Variants in FBLN2 observed in about 807,000 individuals in gnomAD.
The protein encoded by FBLN2 is fibulin-2.
Under a neutral mutation model 123.7 loss-of-function variants are expected in FBLN2, and 81 were observed. The ratio of observed to expected loss-of-function variants is 0.65; its 90% CI spans 0.55 to 0.79. The LOEUF is 0.79. Ranked by LOEUF, FBLN2 falls within the 30% of genes least tolerant of loss-of-function variation. The probability of loss-of-function intolerance (pLI) is 0.00; values close to 1 mark genes in which losing one functional copy is unlikely to be tolerated. For missense variants in FBLN2, 1,603 were observed against 1,681.3 expected, an observed-to-expected ratio of 0.95 and a Z score of 0.81; for synonymous variants, 699 against 701.4, an observed-to-expected ratio of 1.00 and a Z score of 0.05.
chr3:13,613,981 C>T lies in FBLN2; in HGVS notation c.1549-3C>T. The T allele has an allele frequency of 6.2e-7, 1 of 1,610,772 alleles. No homozygotes were observed. Among genetic ancestry groups the T allele is most frequent in the Non-Finnish European group, 8.5e-7 (1 of 1,179,346 alleles). ...GGGCAGTGATAACTGTCTCTCCCTGCAGCAATGCTGTGACTGCTGTGGCCT... is the reference window on the plus strand; with the variant it reads ...GGGCAGTGATAACTGTCTCTCCCTGTAGCAATGCTGTGACTGCTGTGGCCT... On this transcript the variant is annotated splice_region_variant and splice_polypyrimidine_tract_variant and intron_variant, in intron 4 of 17. Coordinates refer to ENST00000404922, the MANE Select transcript of FBLN2 (RefSeq NM_001004019.2).
intron 2 of FBLN2, among the ~76,000 whole-genome samples, chr3:13,593,571 G>A (rs911759955): frequency 6.6e-6 from 1 of 152,006 alleles, no homozygotes; most frequent in African/African-American, 2.4e-5. Context: ...AAAATTAGCC[G>A]GGCGTGGTGG....
At chr3:13,568,663 T>G in intron 1 of FBLN2, 4 of 522,882 alleles carry the variant, frequency 7.6e-6, no homozygotes, top group Non-Finnish European at 9.1e-6. Flanking sequence ...CCTGACGCCC[T>G]CCTCAGAGAA....
intron 5 of FBLN2, among the ~76,000 whole-genome samples, chr3:13,617,859 C>T (rs142342187): frequency 2.0e-3 from 293 of 150,016 alleles, no homozygotes; most frequent in Middle Eastern, 3.4e-3. Flanking sequence ...TATACCCATC[C>T]GTCTATCTAT....
intron 2 of FBLN2, among the ~76,000 whole-genome samples, chr3:13,588,218 C>G (rs191850388): frequency 2.0e-5 from 3 of 152,316 alleles, no homozygotes; most frequent in South Asian, 2.1e-4. Context: ...GCCTGTAGTA[C>G]TCAGTACAGT....
At chr3:13,626,259 C>A (rs999147931) in intron 9 of FBLN2, among the ~76,000 whole-genome samples, 186 bp from the exon 10 acceptor site, 7 of 152,216 alleles carry the variant, frequency 4.6e-5, no homozygotes, top group Non-Finnish European at 8.8e-5. Context: ...ATAGCAGGTG[C>A]TCAATAAATC....
At chr3:13,562,232 A>G (rs1703629322) in intron 1 of FBLN2, among the ~76,000 whole-genome samples, 2 of 152,064 alleles carry the variant, frequency 1.3e-5, no homozygotes. Context: ...TTTCCTGTCC[A>G]TCTTCAGTGC....
At chr3:13,575,033 CTCTGTGAGTA>C (rs1704090440) in intron 2 of FBLN2, among the ~76,000 whole-genome samples, 1 of 152,226 alleles carries the variant, frequency 6.6e-6, no homozygotes, top group South Asian at 2.1e-4. Context: ...AGTGAGGGTG[CTCTGTGAGTA>C]TCTGTTGAAG....
intron 2 of FBLN2, among the ~76,000 whole-genome samples, chr3:13,578,284 C>T (rs557139443): frequency 1.2e-4 from 18 of 152,240 alleles, no homozygotes; most frequent in African/African-American, 4.1e-4. Flanking sequence ...TGCAGACATC[C>T]CCAGAATCTA....
At position 13,566,720 on chromosome 3, in the gene FBLN2, C is replaced by T. The variant is rs75407266; in HGVS notation, c.-41-3595C>T. Among the ~76,000 whole-genome samples the T allele has an allele frequency of 9.5e-3, 1,446 of 152,342 alleles. 10 individuals carry two copies. Among genetic ancestry groups the T allele is most frequent in the Middle Eastern group, 0.017 (5 of 294 alleles). ...ACTTGGGGAACCTGGGAGCTCACAC[C>T]CCATGTGACATCTCAGGGTGGCCAG... On this transcript the variant is annotated intron_variant, in intron 1 of 17. Coordinates refer to ENST00000404922, the MANE Select transcript of FBLN2 (RefSeq NM_001004019.2).
chr3:13,559,399 T>G (rs1325999359), intron 1 of FBLN2, among the ~76,000 whole-genome samples: 1 of 152,178 alleles, frequency 6.6e-6, no homozygotes, highest in Non-Finnish European at 1.5e-5. Flanking sequence ...TCTGATGGTC[T>G]CCACTTGATG....
intron 2 of FBLN2, among the ~76,000 whole-genome samples, chr3:13,589,232 C>T (rs2124852861): frequency 6.6e-6 from 1 of 152,282 alleles, no homozygotes; most frequent in Non-Finnish European, 1.5e-5. Context: ...AAAAATAACC[C>T]ATGAAAATGC....
chr3:13,618,390 C>A, intron 6 of FBLN2, 105 bp downstream of exon 6: 1 of 1,059,384 alleles, frequency 9.4e-7, no homozygotes, highest in Non-Finnish European at 1.4e-6. Context: ...CTTCCTGTTA[C>A]CCCACAAGTT....
At position 13,626,570 on chromosome 3, in the gene FBLN2, G is replaced by A. The variant is rs1414970682; in HGVS notation, c.2422G>A (p.Glu808Lys). The A allele has an allele frequency of 4.5e-6, 7 of 1,547,084 alleles. No homozygotes were observed. The highest frequency in any genetic ancestry group is 4.9e-5 in the East Asian group (2 of 40,800). Residue 808 changes from glutamate (E) to lysine (K), a missense_variant, in exon 10 of 18, where the codon GAG becomes AAG. By Grantham distance (56) the Glu-to-Lys change is moderately conservative (BLOSUM62 1). Coordinates refer to ENST00000404922, the MANE Select transcript of FBLN2 (RefSeq NM_001004019.2). ...CEPGYALKDG[E>K]CEDVDECAMG... ...GCCAGGCTATGCCCTCAAGGATGGC[G>A]AGTGCGAAGGTGAGAAGGGCCCAGA...
In FBLN2 at chr3:13,549,980, C is replaced by T. The variant is rs892655154; in HGVS notation, c.-42+772C>T. On this transcript the variant is annotated intron_variant, in intron 1 of 17. Coordinates refer to ENST00000404922, the MANE Select transcript of FBLN2 (RefSeq NM_001004019.2). ...CTGCCCTCTGACACGCACACACGTC[C>T]GCCACACAGGGGTAGCTATCACATG... Among the ~76,000 whole-genome samples, 9 of 152,232 alleles carry T rather than the reference C, an allele frequency of 5.9e-5. No individual in the cohort carries two copies. The South Asian group carries it at 1.0e-3, about 17-fold the overall frequency.
intron 1 of FBLN2, among the ~76,000 whole-genome samples, chr3:13,551,422 C>T (rs937263762): frequency 6.6e-6 from 1 of 152,206 alleles, no homozygotes; most frequent in Non-Finnish European, 1.5e-5. Flanking sequence ...CATCACTTTT[C>T]TTCCCAGATC....
At chr3:13,619,092 G>A (rs1705749330) in intron 7 of FBLN2, 75 bp downstream of exon 7, 4 of 1,105,052 alleles carry the variant, frequency 3.6e-6, no homozygotes, top group Non-Finnish European at 1.3e-6. Context: ...TGCAGGTGGT[G>A]AGCTGTCTGG....
At chr3:13,558,384 G>A (rs555137712) in intron 1 of FBLN2, among the ~76,000 whole-genome samples, 16 of 151,548 alleles carry the variant, frequency 1.1e-4, no homozygotes, top group South Asian at 8.4e-4. Context: ...CCCCCACCCC[G>A]CCACCCAAGT....
Position 13,614,069 on chromosome 3 carries a change from G to A in FBLN2, c.1634G>A (p.Cys545Tyr), listed in dbSNP as rs534741685. Residue 545 changes from cysteine (C) to tyrosine (Y), a missense_variant, in exon 5 of 18, where the codon TGC becomes TAC. Physicochemically the swap from Cys to Tyr is radical, Grantham distance 194 (BLOSUM62 -2). Transcript: ENST00000404922. Reference protein sequence around the residue: ...CESNPNLGYPCNHVMLSCCEG... With the variant: ...CESNPNLGYPYNHVMLSCCEG... ...TCCAATCCTAACCTGGGCTATCCCTGCAATCATGTCATGCTCTCCTGCTGT... is the reference window on the plus strand; with the variant it reads ...TCCAATCCTAACCTGGGCTATCCCTACAATCATGTCATGCTCTCCTGCTGT... The A allele has an allele frequency of 1.2e-6, 2 of 1,613,726 alleles. No homozygotes were observed. The highest frequency in any genetic ancestry group is 1.7e-6 in the Non-Finnish European group (2 of 1,179,886).
At chr3:13,614,195 A>G in intron 5 of FBLN2, 31 bp downstream of exon 5, 1 of 1,599,748 alleles carries the variant, frequency 6.3e-7, no homozygotes, top group Non-Finnish European at 8.5e-7. Flanking sequence ...GCTGCGGCAT[A>G]TAGGGCGAAG....
Sources: gnomAD v4.1 joint callset for allele counts (sites outside exome capture counted in the v4.1 genomes callset) on GRCh38, gnomAD v4.1.1 for gene constraint, MANE v1.5 for transcripts, NCBI Gene and HGNC (gene_info 2026-07-23, HGNC 2026-07-21) for gene names.